The following ACOXL variants were observed in gnomAD, a reference collection of about 807,000 sequenced individuals.
The protein encoded by ACOXL is acyl-coenzyme A oxidase-like protein.
In ACOXL, 70 loss-of-function variants were observed where a neutral mutation model predicts 71.9. That is an observed-to-expected ratio of 0.97 (90% CI 0.80 to 1.19). The LOEUF (loss-of-function observed/expected upper bound fraction) is 1.19, where lower values mean the gene tolerates loss of function less well. ACOXL is among the 50% of genes most tolerant of loss of function. ACOXL has a pLI of 0.00. For missense variants in ACOXL, 703 were observed against 736.3 expected, an observed-to-expected ratio of 0.95 and a Z score of 0.52; for synonymous variants, 253 against 281.6, an observed-to-expected ratio of 0.90 and a Z score of 1.02.
intron 15 of ACOXL, among the ~76,000 whole-genome samples, chr2:111,039,256 A>T (rs6706577): frequency 6.6e-6 from 1 of 152,038 alleles, no homozygotes; most frequent in African/African-American, 2.4e-5. Flanking sequence ...ATCAGAGATC[A>T]CAAGTGCCAG....
chr2:111,089,039 G>C (rs551169143), intron 16 of ACOXL, among the ~76,000 whole-genome samples: 1 of 152,150 alleles, frequency 6.6e-6, no homozygotes, highest in Admixed American at 6.6e-5. Context: ...GGTGGCTCAC[G>C]CCTGTAATCC....
intron 2 of ACOXL, among the ~76,000 whole-genome samples, chr2:110,778,698 A>G (rs1682954305): frequency 6.6e-6 from 1 of 152,228 alleles, no homozygotes; most frequent in Non-Finnish European, 1.5e-5. Flanking sequence ...ACACGTGGTA[A>G]GTTGTCCAGA....
At chr2:111,019,633 G>A (rs1331752701) in intron 14 of ACOXL, among the ~76,000 whole-genome samples, 2 of 152,174 alleles carry the variant, frequency 1.3e-5, no homozygotes, top group East Asian at 1.9e-4. Context: ...CCTGGAACTC[G>A]TGTGTGTGAC....
chr2:111,117,910 C>T lies in ACOXL; in HGVS notation c.*94C>T, dbSNP rs1558986176. ...CTGTGGCCGAGGCCGGGGGCTGGCA[C>T]CCGCTGGGCCGCCACTCTCGGGGAT... On this transcript the variant is annotated 3_prime_UTR_variant, in exon 18 of 18. Coordinates refer to ENST00000439055, the MANE Select transcript of ACOXL (RefSeq NM_001142807.4). The T allele has an allele frequency of 1.4e-5, 19 of 1,369,044 alleles. No individual in the cohort carries two copies. Among genetic ancestry groups the T allele is most frequent in the Non-Finnish European group, 1.8e-5 (19 of 1,028,844 alleles). The allele number at this position is 1,369,044 out of a possible 1,614,324, so 84.8% of individuals were successfully genotyped here.
intron 16 of ACOXL, among the ~76,000 whole-genome samples, chr2:111,055,467 C>T (rs1351846781): frequency 6.6e-6 from 1 of 152,232 alleles, no homozygotes; most frequent in Non-Finnish European, 1.5e-5. Flanking sequence ...CAGTGCAAAC[C>T]ATGATGTCCT....
chr2:110,867,310 C>A (rs907673046), intron 10 of ACOXL, among the ~76,000 whole-genome samples: 3 of 152,040 alleles, frequency 2.0e-5, no homozygotes, highest in African/African-American at 7.3e-5. Flanking sequence ...AGGAAGAGGC[C>A]TGGGGGTGTG....
At chr2:110,969,577 G>A (rs1015732166) in intron 12 of ACOXL, among the ~76,000 whole-genome samples, 4 of 152,144 alleles carry the variant, frequency 2.6e-5, no homozygotes, top group Non-Finnish European at 5.9e-5. Context: ...TTGGGAGGCC[G>A]AGGTGGGCAG....
At chr2:110,812,778 A>G (rs2105433119) in intron 9 of ACOXL, among the ~76,000 whole-genome samples, 1 of 152,380 alleles carries the variant, frequency 6.6e-6, no homozygotes, top group South Asian at 2.1e-4. Flanking sequence ...CGATTCCACG[A>G]AGACGTGTTG....
intron 16 of ACOXL, among the ~76,000 whole-genome samples, chr2:111,083,277 G>C (rs2068024880): frequency 6.6e-6 from 1 of 152,078 alleles, no homozygotes; most frequent in Non-Finnish European, 1.5e-5. Context: ...CTGTGTCAGG[G>C]GTCCCCAAGA....
intron 12 of ACOXL, among the ~76,000 whole-genome samples, chr2:110,982,281 C>A (rs1457531106): frequency 6.6e-6 from 1 of 152,136 alleles, no homozygotes; most frequent in East Asian, 1.9e-4. Context: ...TAAGGCCCAG[C>A]AATTACTCAG....
At chr2:110,851,251 G>A (rs1003817125) in intron 10 of ACOXL, among the ~76,000 whole-genome samples, 2 of 152,130 alleles carry the variant, frequency 1.3e-5, no homozygotes, top group African/African-American at 4.8e-5. Context: ...GAATTTTATT[G>A]TAATTAAATT....
At chr2:111,043,848 C>T (rs545381636) in intron 15 of ACOXL, among the ~76,000 whole-genome samples, 1 of 152,202 alleles carries the variant, frequency 6.6e-6, no homozygotes, top group Non-Finnish European at 1.5e-5. Flanking sequence ...CTGGCTTCCT[C>T]ATCTTCACTG....
chr2:110,767,085 G>A (rs778503327), intron 1 of ACOXL, among the ~76,000 whole-genome samples: 5 of 152,288 alleles, frequency 3.3e-5, no homozygotes, highest in East Asian at 1.9e-4. Context: ...ATGTTTTTCT[G>A]TTGTTGGGTG....
chr2:110,849,471 ACC>A (rs1180442442), intron 10 of ACOXL, among the ~76,000 whole-genome samples: 4 of 152,210 alleles, frequency 2.6e-5, no homozygotes, highest in Non-Finnish European at 5.9e-5. Flanking sequence ...AAGGCAAAAG[ACC>A]TAGGCTGCGT....
intron 12 of ACOXL, among the ~76,000 whole-genome samples, chr2:110,983,983 A>G (rs550450613): frequency 1.3e-5 from 2 of 152,228 alleles, no homozygotes; most frequent in African/African-American, 4.8e-5. Context: ...AACTGGGACT[A>G]TAAGCACGCA....
At chr2:110,741,688 T>A (rs1224397316) in intron 1 of ACOXL, among the ~76,000 whole-genome samples, 1 of 152,202 alleles carries the variant, frequency 6.6e-6, no homozygotes, top group Non-Finnish European at 1.5e-5. Context: ...GAGTAACATC[T>A]CAGAGAGCCT....
chr2:111,048,615 C>A (rs1442987299), intron 15 of ACOXL, among the ~76,000 whole-genome samples: 1 of 152,052 alleles, frequency 6.6e-6, no homozygotes, highest in South Asian at 2.1e-4. Flanking sequence ...GATTAATATT[C>A]CTAGAGCTTT....
intron 16 of ACOXL, among the ~76,000 whole-genome samples, chr2:111,061,342 G>A (rs544955707): frequency 6.6e-6 from 1 of 152,230 alleles, no homozygotes; most frequent in Non-Finnish European, 1.5e-5. Flanking sequence ...AACCACAGGG[G>A]TCAGAAGAAG....
At chr2:110,878,469 A>G (rs575604736) in intron 10 of ACOXL, among the ~76,000 whole-genome samples, 63 of 152,348 alleles carry the variant, frequency 4.1e-4, no homozygotes, top group African/African-American at 1.5e-3. Context: ...TATGCAAGAA[A>G]TAGGAAATGC....
Sources: allele counts gnomAD v4.1 joint callset (sites outside exome capture counted in the v4.1 genomes callset), GRCh38; gene constraint gnomAD v4.1.1; transcripts MANE v1.5; gene names NCBI Gene and HGNC (gene_info 2026-07-23, HGNC 2026-07-21).